The following MYO5B variants were observed in gnomAD, a reference collection of about 807,000 sequenced individuals.
The protein encoded by MYO5B is unconventional myosin-Vb.
In MYO5B, 143 loss-of-function variants were observed where a neutral mutation model predicts 229.3. That is an observed-to-expected ratio of 0.62 (90% CI 0.54 to 0.72). The LOEUF (loss-of-function observed/expected upper bound fraction) is 0.72, where lower values mean the gene tolerates loss of function less well. Among genes scored for constraint, MYO5B ranks in the 30% least tolerant of loss-of-function variants. The pLI is 0.00. For synonymous variants in MYO5B, 918 were observed against 885.2 expected (o/e 1.04, Z -0.66); for missense variants, 2,321 against 2,331.0 (o/e 1.00, Z 0.09).
intron 12 of MYO5B, among the ~76,000 whole-genome samples, chr18:49,959,503 CA>C (rs1228605538): frequency 6.6e-6 from 1 of 152,190 alleles, no homozygotes; most frequent in African/African-American, 2.4e-5. Context: ...GGTGAGGAAA[CA>C]GGGGGCGGGG....
At chr18:50,123,315 G>T (rs1295343923) in intron 1 of MYO5B, among the ~76,000 whole-genome samples, 1 of 152,200 alleles carries the variant, frequency 6.6e-6, no homozygotes, top group Non-Finnish European at 1.5e-5. Flanking sequence ...TCCTTTGTGG[G>T]TTATGAAAAT....
chr18:49,867,454 G>T (rs534763291), intron 27 of MYO5B, among the ~76,000 whole-genome samples: 1 of 152,212 alleles, frequency 6.6e-6, no homozygotes, highest in African/African-American at 2.4e-5. Context: ...GGATGTGTGG[G>T]TGGGTGGGGG....
chr18:49,877,219 A>T (rs1217628), intron 25 of MYO5B, among the ~76,000 whole-genome samples: 1 of 152,008 alleles, frequency 6.6e-6, no homozygotes, highest in African/African-American at 2.4e-5. Flanking sequence ...AAATTATACA[A>T]AGACCACACA....
rs534320283 is a variant in MYO5B, at chr18:49,948,482, A to G, written c.1752+4778T>C. On this transcript the variant is annotated intron_variant, in intron 14 of 39. Coordinates refer to ENST00000285039, the MANE Select transcript of MYO5B (RefSeq NM_001080467.3). Reference sequence around the variant, plus strand: ...GTTTTGTCAACTAAAAAGTTATCCTACATAGTACCCTGCTTGGTTTAAGTA... The same window carrying G: ...GTTTTGTCAACTAAAAAGTTATCCTGCATAGTACCCTGCTTGGTTTAAGTA... Among the ~76,000 whole-genome samples, 3 of 152,316 alleles carry G rather than the reference A, an allele frequency of 2.0e-5. No individual in the cohort carries two copies. In the East Asian group the frequency reaches 5.8e-4, roughly 29 times the overall value.
chr18:49,969,070 C>T (rs1398427479), intron 10 of MYO5B, among the ~76,000 whole-genome samples: 1 of 152,106 alleles, frequency 6.6e-6, no homozygotes, highest in Admixed American at 6.5e-5. Context: ...CAACAGCTTC[C>T]GATGATCTGC....
chr18:50,091,222 AG>A (rs959916271), intron 1 of MYO5B, among the ~76,000 whole-genome samples: 12 of 152,194 alleles, frequency 7.9e-5, no homozygotes, highest in African/African-American at 2.9e-4. Context: ...AAGTTTATAA[AG>A]GGAGTGGAGG....
intron 17 of MYO5B, among the ~76,000 whole-genome samples, chr18:49,922,893 G>A (rs769924302): frequency 6.6e-6 from 1 of 152,184 alleles, no homozygotes; most frequent in Non-Finnish European, 1.5e-5. Flanking sequence ...GGGGTTGTGG[G>A]CATCTTGACT....
chr18:50,043,215 GGT>G (rs1164178326), intron 2 of MYO5B, among the ~76,000 whole-genome samples: 11 of 139,714 alleles, frequency 7.9e-5, no homozygotes, highest in Admixed American at 3.1e-4. Context: ...AAGAAATTGT[GGT>G]GTGTGTGTAT....
chr18:49,868,749 C>T (rs1340637832), intron 27 of MYO5B, among the ~76,000 whole-genome samples: 1 of 152,320 alleles, frequency 6.6e-6, no homozygotes, highest in South Asian at 2.1e-4. Context: ...TGCAGGGAGA[C>T]CCATCTTCCA....
intron 24 of MYO5B, 47 bp downstream of exon 24, chr18:49,878,898 A>C: frequency 6.2e-7 from 1 of 1,610,624 alleles, no homozygotes; most frequent in Non-Finnish European, 8.5e-7. Context: ...GAAGCTGGAC[A>C]GGAGCCAGGG....
Position 49,841,413 on chromosome 18 carries a change from G to A in MYO5B, c.4653C>T (p.Ser1551=), listed in dbSNP as rs779448061. The A allele has an allele frequency of 8.1e-6, 13 of 1,614,190 alleles. No homozygotes were observed. The highest frequency in any genetic ancestry group is 1.1e-5 in the South Asian group (1 of 91,080). ...GACAGTGAAGAAGGCGGCAGGTGTTGGATAACCAGAATGACGTCATCTCAA... is the reference window on the plus strand; with the variant it reads ...GACAGTGAAGAAGGCGGCAGGTGTTAGATAACCAGAATGACGTCATCTCAA... ...DDFEMTSFWL[S]NTCRLLHCLK... is the part of the protein sequence containing the mutation. The change falls in exon 35 of 40, where the codon TCC becomes TCT. Residue 1551 remains serine (S), a synonymous_variant. Coordinates refer to ENST00000285039, the MANE Select transcript of MYO5B (RefSeq NM_001080467.3).
At chr18:49,990,354 G>A (rs1048083109) in intron 7 of MYO5B, 85 bp downstream of exon 7, 84 of 1,143,808 alleles carry the variant, frequency 7.3e-5, no homozygotes, top group Non-Finnish European at 1.0e-4. Flanking sequence ...AACCCATGAC[G>A]GAGGGCTTTG....
At chr18:49,861,977 G>A (rs1347364501) in intron 29 of MYO5B, among the ~76,000 whole-genome samples, 5 of 151,856 alleles carry the variant, frequency 3.3e-5, no homozygotes, top group Non-Finnish European at 7.4e-5. Flanking sequence ...AGGTAGCCAG[G>A]GAAGAGGCCA....
intron 22 of MYO5B, among the ~76,000 whole-genome samples, chr18:49,883,160 T>C (rs1270482627): frequency 6.6e-6 from 1 of 152,204 alleles, no homozygotes; most frequent in Non-Finnish European, 1.5e-5. Flanking sequence ...TATTCAGCAT[T>C]GTACTGAAGG....
At chr18:49,982,483 G>A (rs756272634) in intron 8 of MYO5B, among the ~76,000 whole-genome samples, 23 of 152,124 alleles carry the variant, frequency 1.5e-4, no homozygotes, top group Non-Finnish European at 1.3e-4. Context: ...TAGGATCCTC[G>A]CACTACATTG....
intron 4 of MYO5B, among the ~76,000 whole-genome samples, chr18:50,017,647 T>C (rs1030510209): frequency 6.0e-4 from 92 of 152,360 alleles, no homozygotes; most frequent in African/African-American, 2.1e-3. Context: ...TTCCTTTTTC[T>C]TGGGTTAAAT....
chr18:50,078,726 A>G (rs1015727991), intron 1 of MYO5B, among the ~76,000 whole-genome samples: 2 of 152,220 alleles, frequency 1.3e-5, no homozygotes, highest in Non-Finnish European at 2.9e-5. Flanking sequence ...TGACATAGCA[A>G]TTCTCCTCCT....
chr18:50,188,800 A>C (rs565552536), intron 1 of MYO5B, among the ~76,000 whole-genome samples: 55,453 of 138,486 alleles, frequency 0.4, 11,713 homozygotes, highest in East Asian at 0.51. Flanking sequence ...AAAAAAAAAA[A>C]AAAAAAAAAA....
chr18:49,929,908 A>G (rs1277441955), intron 16 of MYO5B, among the ~76,000 whole-genome samples: 3 of 151,650 alleles, frequency 2.0e-5, no homozygotes, highest in African/African-American at 7.3e-5. Flanking sequence ...AAGACTCATC[A>G]TTCCTGCTCC....
Sources: allele counts gnomAD v4.1 joint callset (sites outside exome capture counted in the v4.1 genomes callset), GRCh38; gene constraint gnomAD v4.1.1; transcripts MANE v1.5; gene names NCBI Gene and HGNC (gene_info 2026-07-23, HGNC 2026-07-21).